Variants in MAML2 observed in about 807,000 individuals in gnomAD.
MAML2 encodes the protein mastermind-like protein 2.
A neutral mutation model predicts 96.1 loss-of-function variants in MAML2; 22 were observed. The observed-to-expected ratio is 0.23, with a 90% CI of 0.16 to 0.33. MAML2 has a LOEUF of 0.33. Ranked by LOEUF, MAML2 falls within the 10% of genes least tolerant of loss-of-function variation. MAML2 has a pLI of 1.00. For synonymous variants in MAML2, 561 were observed against 521.3 expected, an observed-to-expected ratio of 1.08 and a Z score of -1.04; for missense variants, 1,367 against 1,392.4, an observed-to-expected ratio of 0.98 and a Z score of 0.29.
chr11:96,166,923 T>C (rs1056024419), intron 1 of MAML2, among the ~76,000 whole-genome samples: 1 of 152,220 alleles, frequency 6.6e-6, no homozygotes, highest in Admixed American at 6.5e-5. Context: ...TCTCCCTTTA[T>C]GCACTTTTCC....
rs759899842 is a variant in MAML2, at chr11:96,093,158, A to C, written c.873T>G (p.Asn291Lys). The C allele has an allele frequency of 6.2e-7, 1 of 1,613,942 alleles. No individual in the cohort carries two copies. Among genetic ancestry groups the C allele is most frequent in the Non-Finnish European group, 8.5e-7 (1 of 1,179,876 alleles). The part of the protein sequence containing the change: ...GQMTQENIFP[N>K]RYGDDPGEQL... Reference sequence around the variant, plus strand: ...GTTCTCCAGGGTCGTCTCCGTACCTATTAGGAAAAATATTCTCTTGGGTCA... The same window carrying C: ...GTTCTCCAGGGTCGTCTCCGTACCTCTTAGGAAAAATATTCTCTTGGGTCA... Residue 291 changes from asparagine to lysine, a missense_variant, in exon 2 of 5, where the codon AAT (asparagine) becomes AAG (lysine). By Grantham distance (94) the Asn-to-Lys change is moderately conservative (BLOSUM62 0). Transcript: ENST00000524717.
intron 2 of MAML2, among the ~76,000 whole-genome samples, chr11:96,025,007 T>A (rs1858493763): frequency 6.6e-6 from 1 of 152,170 alleles, no homozygotes; most frequent in African/African-American, 2.4e-5. Flanking sequence ...CTCAAAGAAC[T>A]TAAAACAAAC....
chr11:96,036,080 G>GTAT (rs937505760), intron 2 of MAML2, among the ~76,000 whole-genome samples: 14 of 152,284 alleles, frequency 9.2e-5, no homozygotes, highest in African/African-American at 3.4e-4. Flanking sequence ...CTTTACCACA[G>GTAT]TATTATGTTC....
intron 2 of MAML2, among the ~76,000 whole-genome samples, chr11:96,020,386 T>C (rs1010297411): frequency 6.6e-6 from 1 of 152,248 alleles, no homozygotes; most frequent in African/African-American, 2.4e-5. Flanking sequence ...GACTCAGATT[T>C]ATAAAGGTCT....
At chr11:96,285,206 C>T (rs35582907) in intron 1 of MAML2, among the ~76,000 whole-genome samples, 2,474 of 152,254 alleles carry the variant, frequency 0.016, 20 homozygotes, top group Non-Finnish European at 0.026. Flanking sequence ...TACTGTAGCA[C>T]CTATTGTAAA....
chr11:96,097,803 G>T (rs1859857259), intron 1 of MAML2, among the ~76,000 whole-genome samples: 3 of 152,128 alleles, frequency 2.0e-5, no homozygotes, highest in African/African-American at 7.2e-5. Context: ...CTTATTCTAG[G>T]CAGGCACTCT....
At chr11:96,222,174 T>C (rs1401039535) in intron 1 of MAML2, among the ~76,000 whole-genome samples, 1 of 152,212 alleles carries the variant, frequency 6.6e-6, no homozygotes, top group African/African-American at 2.4e-5. Flanking sequence ...TGTTGCAGAC[T>C]GGAGGCTTAC....
At chr11:96,008,824 A>C (rs572817203) in intron 2 of MAML2, among the ~76,000 whole-genome samples, 2 of 152,336 alleles carry the variant, frequency 1.3e-5, no homozygotes, top group African/African-American at 4.8e-5. Flanking sequence ...GTATAAAATG[A>C]ACAGCTTGAT....
chr11:96,018,410 T>C (rs1320618112), intron 2 of MAML2, among the ~76,000 whole-genome samples: 1 of 152,112 alleles, frequency 6.6e-6, no homozygotes, highest in Non-Finnish European at 1.5e-5. Flanking sequence ...CTGAAAGTCA[T>C]GAATTTGGAT....
At chr11:96,236,811 A>T (rs1862372879) in intron 1 of MAML2, among the ~76,000 whole-genome samples, 1 of 152,162 alleles carries the variant, frequency 6.6e-6, no homozygotes, top group African/African-American at 2.4e-5. Flanking sequence ...CTTCTTAGTA[A>T]ATATCTATGG....
intron 1 of MAML2, among the ~76,000 whole-genome samples, chr11:96,328,182 C>T (rs1057024650): frequency 1.3e-5 from 2 of 152,066 alleles, no homozygotes; most frequent in Non-Finnish European, 2.9e-5. Flanking sequence ...GGTATATTTC[C>T]TAAGCAAAGG....
At chr11:96,281,088 T>C (rs1349081840) in intron 1 of MAML2, among the ~76,000 whole-genome samples, 1 of 152,238 alleles carries the variant, frequency 6.6e-6, no homozygotes, top group African/African-American at 2.4e-5. Context: ...AGTTTTCAAA[T>C]CATGTGTACT....
intron 3 of MAML2, among the ~76,000 whole-genome samples, chr11:95,990,266 T>TA (rs1857889473): frequency 6.6e-6 from 1 of 152,164 alleles, no homozygotes; most frequent in African/African-American, 2.4e-5. Context: ...GTTAAATCCT[T>TA]AAAATCTCTT....
At chr11:96,109,283 T>C (rs1403878366) in intron 1 of MAML2, among the ~76,000 whole-genome samples, 1 of 152,290 alleles carries the variant, frequency 6.6e-6, no homozygotes, top group Admixed American at 6.5e-5. Context: ...AAGTCTGGTC[T>C]GGCTTTGACG....
chr11:96,135,228 T>A (rs35147119), intron 1 of MAML2, among the ~76,000 whole-genome samples: 3,737 of 152,282 alleles, frequency 0.025, 87 homozygotes, highest in African/African-American at 0.052. Context: ...TGCCTTTCCA[T>A]CTTCTACCAC....
intron 1 of MAML2, among the ~76,000 whole-genome samples, chr11:96,286,624 T>C: frequency 8.1e-6 from 1 of 123,390 alleles, no homozygotes; most frequent in East Asian, 2.5e-4. Context: ...TCATTCTTTT[T>C]ATCTTTTTTT....
At chr11:96,221,244 T>G (rs550719158) in intron 1 of MAML2, among the ~76,000 whole-genome samples, 1 of 152,368 alleles carries the variant, frequency 6.6e-6, no homozygotes, top group South Asian at 2.1e-4. Context: ...TTAGCCTTGC[T>G]GTTCCCACTG....
intron 1 of MAML2, among the ~76,000 whole-genome samples, chr11:96,160,948 A>G (rs1285543622): frequency 6.6e-6 from 1 of 152,246 alleles, no homozygotes; most frequent in African/African-American, 2.4e-5. Flanking sequence ...CTTGTCGAAC[A>G]CTTTCCTATT....
intron 2 of MAML2, among the ~76,000 whole-genome samples, chr11:96,037,193 A>AC (rs1858728736): frequency 6.6e-6 from 1 of 152,030 alleles, no homozygotes; most frequent in African/African-American, 2.4e-5. Context: ...AAAAATAAAA[A>AC]AACAACAACA....
Sources: gnomAD v4.1 joint callset for allele counts (sites outside exome capture counted in the v4.1 genomes callset) on GRCh38, gnomAD v4.1.1 for gene constraint, MANE v1.5 for transcripts, NCBI Gene and HGNC (gene_info 2026-07-23, HGNC 2026-07-21) for gene names.